SYT14: variants seen among roughly 807,000 people sequenced by gnomAD.
SYT14 encodes the protein synaptotagmin-14.
In SYT14, 32 loss-of-function variants were observed where a neutral mutation model predicts 74.2. The ratio of observed to expected loss-of-function variants is 0.43; its 90% CI spans 0.33 to 0.58. The LOEUF (loss-of-function observed/expected upper bound fraction) is 0.58. Ranked by LOEUF, SYT14 falls within the 20% of genes least tolerant of loss-of-function variation. The probability of loss-of-function intolerance (pLI) is 0.05; values close to 1 mark genes in which losing one functional copy is unlikely to be tolerated. For missense variants in SYT14, 791 were observed against 981.8 expected, an observed-to-expected ratio of 0.81 and a Z score of 2.60; for synonymous variants, 298 against 337.7, an observed-to-expected ratio of 0.88 and a Z score of 1.29.
chr1:210,136,859 A>G (rs2082796842), intron 7 of SYT14, among the ~76,000 whole-genome samples: 1 of 152,204 alleles, frequency 6.6e-6, no homozygotes, highest in Non-Finnish European at 1.5e-5. Context: ...AGGATCATTC[A>G]TGTGGAAATT....
intron 2 of SYT14, among the ~76,000 whole-genome samples, chr1:209,964,496 AG>A (rs1281613494): frequency 6.6e-6 from 1 of 152,136 alleles, no homozygotes; most frequent in Non-Finnish European, 1.5e-5. Flanking sequence ...CTAGTAGAAA[AG>A]GGTTTCTTGC....
intron 5 of SYT14, among the ~76,000 whole-genome samples, chr1:210,073,406 A>G (rs1246336610): frequency 6.6e-6 from 1 of 152,044 alleles, no homozygotes; most frequent in Non-Finnish European, 1.5e-5. Context: ...TATTTCAACC[A>G]TCTATTTTTG....
At chr1:209,990,602 G>A (rs1243905257) in intron 2 of SYT14, among the ~76,000 whole-genome samples, 8 of 47,878 alleles carry the variant, frequency 1.7e-4, no homozygotes, top group Non-Finnish European at 1.4e-4. Flanking sequence ...ATGAAATAAA[G>A]TGTGTTGCTT....
At chr1:210,082,854 A>G (rs1461160061) in intron 5 of SYT14, among the ~76,000 whole-genome samples, 1 of 152,240 alleles carries the variant, frequency 6.6e-6, no homozygotes, top group Non-Finnish European at 1.5e-5. Flanking sequence ...TTACAGCTCT[A>G]AGGGTCAAGA....
At chr1:210,055,250 A>C (rs970685981) in intron 5 of SYT14, among the ~76,000 whole-genome samples, 13 of 152,218 alleles carry the variant, frequency 8.5e-5, no homozygotes, top group Non-Finnish European at 1.9e-4. Flanking sequence ...ATTGTCTAAA[A>C]ATACTTGCCC....
At chr1:209,985,219 A>G (rs1470735239) in intron 2 of SYT14, among the ~76,000 whole-genome samples, 1 of 152,328 alleles carries the variant, frequency 6.6e-6, no homozygotes, top group Admixed American at 6.5e-5. Context: ...AAATCAAACA[A>G]ATTATTTACT....
intron 2 of SYT14, among the ~76,000 whole-genome samples, chr1:209,963,826 G>A (rs1202124988): frequency 6.6e-6 from 1 of 152,070 alleles, no homozygotes; most frequent in Admixed American, 6.6e-5. Flanking sequence ...TGTAAAATAT[G>A]GGCTTCTTTA....
At chr1:210,150,566 C>T (rs1007574581) in intron 7 of SYT14, among the ~76,000 whole-genome samples, 6 of 152,138 alleles carry the variant, frequency 3.9e-5, no homozygotes, top group Non-Finnish European at 7.4e-5. Flanking sequence ...TCATCATTAG[C>T]GGCAGCTCTA....
chr1:210,094,696 T>G (rs893189396), intron 6 of SYT14, 103 bp downstream of exon 5: 9 of 1,336,142 alleles, frequency 6.7e-6, no homozygotes, highest in Non-Finnish European at 9.5e-6. Flanking sequence ...CACTTATTCC[T>G]TTGTAACTTA....
At chr1:210,147,334 A>G (rs988050497) in intron 7 of SYT14, among the ~76,000 whole-genome samples, 1 of 152,202 alleles carries the variant, frequency 6.6e-6, no homozygotes, top group African/African-American at 2.4e-5. Flanking sequence ...TAAGGACTCC[A>G]GAATGTGAGA....
At chr1:210,092,630 A>G (rs935773181) in intron 5 of SYT14, among the ~76,000 whole-genome samples, 3 of 152,188 alleles carry the variant, frequency 2.0e-5, no homozygotes, top group Non-Finnish European at 4.4e-5. Flanking sequence ...TTTTTTGGCT[A>G]TGACTTGCAA....
At chr1:210,130,673 T>C (rs561627166) in intron 7 of SYT14, among the ~76,000 whole-genome samples, 1 of 152,310 alleles carries the variant, frequency 6.6e-6, no homozygotes, top group East Asian at 1.9e-4. Flanking sequence ...CATTAAAAGA[T>C]TTGTTCCAAA....
At chr1:209,994,320 G>T (rs1318261607) in intron 2 of SYT14, among the ~76,000 whole-genome samples, 2 of 152,026 alleles carry the variant, frequency 1.3e-5, no homozygotes, top group Admixed American at 6.6e-5. Context: ...TAGACCTGAA[G>T]AACTCACTAC....
chr1:210,045,836 A>G (rs1468798524), intron 5 of SYT14, among the ~76,000 whole-genome samples: 1 of 152,186 alleles, frequency 6.6e-6, no homozygotes, highest in African/African-American at 2.4e-5. Context: ...GTCACTTTAG[A>G]ACTTCTAAAT....
intron 5 of SYT14, among the ~76,000 whole-genome samples, chr1:210,084,355 TG>T (rs1191497890): frequency 3.3e-5 from 5 of 152,218 alleles, no homozygotes; most frequent in Admixed American, 2.0e-4. Flanking sequence ...TCTTTGACTT[TG>T]GGAGGAATAT....
intron 5 of SYT14, among the ~76,000 whole-genome samples, chr1:210,022,238 G>C (rs918507084): frequency 6.6e-6 from 1 of 152,146 alleles, no homozygotes; most frequent in Non-Finnish European, 1.5e-5. Flanking sequence ...ACCTATTGCT[G>C]TATTTGGCTT....
chr1:209,953,761 T>C (rs938821675), intron 2 of SYT14, among the ~76,000 whole-genome samples: 2 of 152,324 alleles, frequency 1.3e-5, no homozygotes, highest in South Asian at 4.1e-4. Context: ...TTGCATACAA[T>C]TGCTGTTCAT....
At chr1:209,977,396 G>A (rs2079388235) in intron 2 of SYT14, among the ~76,000 whole-genome samples, 1 of 152,144 alleles carries the variant, frequency 6.6e-6, no homozygotes, top group Non-Finnish European at 1.5e-5. Context: ...TTTAGGGCAG[G>A]CCTGGTAGTG....
chr1:210,040,527 AG>A (rs1406037667), intron 5 of SYT14, among the ~76,000 whole-genome samples: 1 of 152,074 alleles, frequency 6.6e-6, no homozygotes, highest in Non-Finnish European at 1.5e-5. Context: ...AAAAAAAAAA[AG>A]AAACCAAAGT....
Sources: gnomAD v4.1 joint callset for allele counts (sites outside exome capture counted in the v4.1 genomes callset) on GRCh38, gnomAD v4.1.1 for gene constraint, MANE v1.5 for transcripts, NCBI Gene and HGNC (gene_info 2026-07-23, HGNC 2026-07-21) for gene names.